Variants in RGS6 observed in about 807,000 individuals in gnomAD.
The protein encoded by RGS6 is regulator of G-protein signaling 6.
In RGS6, 30 loss-of-function variants were observed where a neutral mutation model predicts 78.5. That is an observed-to-expected ratio of 0.38 (90% CI 0.29 to 0.52). The LOEUF (loss-of-function observed/expected upper bound fraction) is 0.52. Among genes scored for constraint, RGS6 ranks in the 20% least tolerant of loss-of-function variants. RGS6 has a pLI of 0.85. For missense variants in RGS6, 495 were observed against 609.7 expected (o/e 0.81, Z 1.98); for synonymous variants, 206 against 206.0 (o/e 1.00, Z 0.00).
At chr14:72,224,458 GTT>G (rs5809566) in intron 2 of RGS6, among the ~76,000 whole-genome samples, 20 of 149,510 alleles carry the variant, frequency 1.3e-4, no homozygotes, top group African/African-American at 2.2e-4. Context: ...TTGGGTGTGG[GTT>G]TTTTTTTTTA....
At chr14:71,996,139 G>A (rs1018741717) in intron 2 of RGS6, among the ~76,000 whole-genome samples, 3 of 145,380 alleles carry the variant, frequency 2.1e-5, no homozygotes, top group Non-Finnish European at 4.5e-5. Context: ...AGCAAGTCGG[G>A]TGTTCGTTAG....
chr14:72,343,771 C>G (rs529611527), intron 2 of RGS6, among the ~76,000 whole-genome samples: 1 of 152,310 alleles, frequency 6.6e-6, no homozygotes, highest in African/African-American at 2.4e-5. Context: ...AGCAGTCTCA[C>G]TTGGCCTTGA....
intron 15 of RGS6, among the ~76,000 whole-genome samples, chr14:72,526,327 G>A (rs1185086253): frequency 2.6e-5 from 4 of 151,898 alleles, no homozygotes; most frequent in East Asian, 3.9e-4. Flanking sequence ...GGATGGTCTC[G>A]ATCTCCTGAC....
chr14:72,619,112 G>A, the RGS6 span, among the ~76,000 whole-genome samples: 1 of 152,214 alleles, frequency 6.6e-6, no homozygotes, highest in African/African-American at 2.4e-5. Flanking sequence ...CTGAAGTTCC[G>A]TACATATCGG....
At chr14:72,242,068 A>C (rs1380767937) in intron 2 of RGS6, among the ~76,000 whole-genome samples, 3 of 152,244 alleles carry the variant, frequency 2.0e-5, no homozygotes, top group Non-Finnish European at 2.9e-5. Context: ...AATTGGATTC[A>C]GTAGTTGAGG....
At chr14:72,257,443 A>T (rs1446580713) in intron 2 of RGS6, among the ~76,000 whole-genome samples, 5 of 152,170 alleles carry the variant, frequency 3.3e-5, no homozygotes, top group African/African-American at 1.2e-4. Flanking sequence ...CTTTTGCAGG[A>T]ATCTTTTGGG....
intron 2 of RGS6, among the ~76,000 whole-genome samples, chr14:72,271,037 C>T (rs539924922): frequency 5.5e-4 from 84 of 152,210 alleles, no homozygotes; most frequent in African/African-American, 2.0e-3. Flanking sequence ...GCCTTTTGTT[C>T]AGATTATTAC....
intron 2 of RGS6, among the ~76,000 whole-genome samples, chr14:72,183,299 C>T (rs2097198455): frequency 6.6e-6 from 1 of 152,184 alleles, no homozygotes; most frequent in Non-Finnish European, 1.5e-5. Context: ...TTGCTTCTGT[C>T]CCTGCAAACG....
At chr14:72,029,752 A>T (rs993105271) in intron 2 of RGS6, among the ~76,000 whole-genome samples, 2 of 152,208 alleles carry the variant, frequency 1.3e-5, no homozygotes, top group Non-Finnish European at 2.9e-5. Flanking sequence ...AGGGCTTTGG[A>T]TAAGGAAAAA....
At chr14:72,377,637 G>C (rs1048910122) in intron 3 of RGS6, among the ~76,000 whole-genome samples, 1 of 152,086 alleles carries the variant, frequency 6.6e-6, no homozygotes, top group East Asian at 1.9e-4. Flanking sequence ...CTCCAGGCTT[G>C]ACCGTATATT....
At chr14:72,534,268 T>C (rs2097217277) in intron 15 of RGS6, among the ~76,000 whole-genome samples, 1 of 152,240 alleles carries the variant, frequency 6.6e-6, no homozygotes, top group Non-Finnish European at 1.5e-5. Context: ...AATTAAGGTA[T>C]GTACCTTGTT....
intron 3 of RGS6, among the ~76,000 whole-genome samples, chr14:72,404,244 CG>C (rs1394531115): frequency 8.5e-5 from 13 of 152,186 alleles, no homozygotes; most frequent in Non-Finnish European, 1.9e-4. Context: ...AAAGGAGAAT[CG>C]GTTCTGTGGA....
chr14:72,243,629 C>G (rs2053484747), intron 2 of RGS6, among the ~76,000 whole-genome samples: 2 of 152,276 alleles, frequency 1.3e-5, no homozygotes, highest in Admixed American at 6.5e-5. Context: ...CAGATAAACT[C>G]TTTCCTTTTT....
chr14:71,931,394 G>A (rs2087849893), upstream of RGS6, among the ~76,000 whole-genome samples: 1 of 152,132 alleles, frequency 6.6e-6, no homozygotes, highest in Non-Finnish European at 1.5e-5. Context: ...CTAACACAGA[G>A]CAGGTGCTAT....
At chr14:72,239,209 C>T (rs2052061476) in intron 2 of RGS6, among the ~76,000 whole-genome samples, 1 of 152,122 alleles carries the variant, frequency 6.6e-6, no homozygotes, top group East Asian at 1.9e-4. Flanking sequence ...GGTGAGCTGC[C>T]TGCATGCACA....
intron 3 of RGS6, among the ~76,000 whole-genome samples, chr14:72,414,395 T>A (rs2093652346): frequency 6.6e-6 from 1 of 152,254 alleles, no homozygotes; most frequent in African/African-American, 2.4e-5. Context: ...ATAGTTCTCG[T>A]GCCGTGGTTT....
intron 17 of RGS6, among the ~76,000 whole-genome samples, chr14:72,549,066 A>G (rs564646166): frequency 1.1e-4 from 17 of 152,298 alleles, no homozygotes; most frequent in African/African-American, 4.1e-4. Context: ...CTGGAAAAGG[A>G]GAATGAATTA....
chr14:72,057,047 C>T (rs1382526438), intron 2 of RGS6, among the ~76,000 whole-genome samples: 3 of 152,104 alleles, frequency 2.0e-5, no homozygotes, highest in Non-Finnish European at 4.4e-5. Flanking sequence ...GGAGCAGTGG[C>T]TCCGACTTGT....
chr14:72,551,735 G>A (rs1389902437), intron 17 of RGS6, among the ~76,000 whole-genome samples: 1 of 152,224 alleles, frequency 6.6e-6, no homozygotes, highest in East Asian at 1.9e-4. Context: ...GTAGATGTTG[G>A]CATTCAATGA....
Sources: gnomAD v4.1 joint callset for allele counts (sites outside exome capture counted in the v4.1 genomes callset) on GRCh38, gnomAD v4.1.1 for gene constraint, MANE v1.5 for transcripts, NCBI Gene and HGNC (gene_info 2026-07-23, HGNC 2026-07-21) for gene names.